CSMD3: variants seen among roughly 807,000 people sequenced by gnomAD.
The protein encoded by CSMD3 is CUB and Sushi multiple domains 3.
A neutral mutation model predicts 435.2 loss-of-function variants in CSMD3; 177 were observed. That is an observed-to-expected ratio of 0.41 (90% CI 0.36 to 0.46). CSMD3 has a LOEUF of 0.46. Ranked by LOEUF, CSMD3 falls within the 20% of genes least tolerant of loss-of-function variation. The probability of loss-of-function intolerance (pLI) is 0.34; values close to 1 mark genes in which losing one functional copy is unlikely to be tolerated. For missense variants in CSMD3, 4,265 were observed against 4,504.6 expected, an observed-to-expected ratio of 0.95 and a Z score of 1.52; for synonymous variants, 1,656 against 1,520.5, an observed-to-expected ratio of 1.09 and a Z score of -2.07.
chr8:112,661,186 C>T (rs1339706506), intron 17 of CSMD3, among the ~76,000 whole-genome samples: 7 of 151,832 alleles, frequency 4.6e-5, no homozygotes, highest in Non-Finnish European at 8.8e-5. Flanking sequence ...TGCTAAGTAA[C>T]GCTATAGAAA....
chr8:113,225,809 A>T (rs1486609944), intron 3 of CSMD3, among the ~76,000 whole-genome samples: 1 of 151,412 alleles, frequency 6.6e-6, no homozygotes, highest in Non-Finnish European at 1.5e-5. Flanking sequence ...TTAGTGTTTG[A>T]TATGGTCTGG....
At chr8:112,262,829 T>C (rs1318669326) in intron 61 of CSMD3, among the ~76,000 whole-genome samples, 1 of 152,022 alleles carries the variant, frequency 6.6e-6, no homozygotes, top group African/African-American at 2.4e-5. Context: ...CCTATGAGCA[T>C]GTAGGGGATT....
chr8:113,224,598 A>G (rs2093005505), intron 3 of CSMD3, among the ~76,000 whole-genome samples: 1 of 151,296 alleles, frequency 6.6e-6, no homozygotes. Flanking sequence ...AGAGGCAACT[A>G]AAATATGTTA....
intron 38 of CSMD3, among the ~76,000 whole-genome samples, chr8:112,365,548 T>G (rs1602703): frequency 0.39 from 58,099 of 147,700 alleles, 12,886 homozygotes; most frequent in Middle Eastern, 0.53. Context: ...TCTACTTTCA[T>G]GCACCAAGAA....
At chr8:112,615,005 G>A (rs199963900) in intron 22 of CSMD3, among the ~76,000 whole-genome samples, 2 of 150,586 alleles carry the variant, frequency 1.3e-5, no homozygotes, top group Non-Finnish European at 1.5e-5. Context: ...GACATAACAA[G>A]AAAAAAAAAC....
At chr8:112,905,345 T>C (rs1198831889) in intron 10 of CSMD3, among the ~76,000 whole-genome samples, 1 of 148,732 alleles carries the variant, frequency 6.7e-6, no homozygotes, top group Non-Finnish European at 1.5e-5. Flanking sequence ...CACACATATA[T>C]ATCAAAAGTC....
At chr8:112,387,798 C>A (rs1219264465) in intron 36 of CSMD3, among the ~76,000 whole-genome samples, 1 of 152,086 alleles carries the variant, frequency 6.6e-6, no homozygotes, top group Non-Finnish European at 1.5e-5. Flanking sequence ...CTGCAAACAT[C>A]TTAGTAGTTC....
intron 36 of CSMD3, among the ~76,000 whole-genome samples, chr8:112,384,318 C>G (rs184453488): frequency 5.8e-4 from 88 of 152,138 alleles, no homozygotes; most frequent in African/African-American, 2.0e-3. Flanking sequence ...ATAGTAACTA[C>G]GTCACAGTGA....
chr8:113,263,460 A>C (rs2093443353), intron 3 of CSMD3, among the ~76,000 whole-genome samples: 1 of 151,910 alleles, frequency 6.6e-6, no homozygotes, highest in Non-Finnish European at 1.5e-5. Context: ...TATCCTTCAA[A>C]ATGTATTATT....
intron 4 of CSMD3, among the ~76,000 whole-genome samples, chr8:113,161,975 A>AT (rs538508178): frequency 3.4e-4 from 52 of 151,320 alleles, no homozygotes; most frequent in Middle Eastern, 3.4e-3. Flanking sequence ...CTAGAAAGTG[A>AT]TTTTTTTTTC....
chr8:112,264,057 A>G (rs1168063497), intron 60 of CSMD3, among the ~76,000 whole-genome samples: 1 of 152,118 alleles, frequency 6.6e-6, no homozygotes, highest in African/African-American at 2.4e-5. Context: ...ACAAAATAGC[A>G]AGCTGCCTGA....
At chr8:112,825,773 G>C (rs985120494) in intron 12 of CSMD3, among the ~76,000 whole-genome samples, 1 of 152,076 alleles carries the variant, frequency 6.6e-6, no homozygotes, top group African/African-American at 2.4e-5. Flanking sequence ...TCCTGTATAG[G>C]GTGTCTGAGA....
intron 10 of CSMD3, among the ~76,000 whole-genome samples, chr8:112,878,494 G>A (rs1271954286): frequency 6.6e-6 from 1 of 152,122 alleles, no homozygotes; most frequent in South Asian, 2.1e-4. Flanking sequence ...CAACCATTGT[G>A]GAAGACAGTG....
In CSMD3 at chr8:112,255,430, G is replaced by T. The variant is rs766621764; in HGVS notation, c.9863-3C>A. 2 of 1,613,300 alleles carry T rather than the reference G, an allele frequency of 1.2e-6. 1 individual carries two copies. Among genetic ancestry groups the T allele is most frequent in the South Asian group, 2.2e-5 (2 of 91,062 alleles). On this transcript the variant is annotated splice_region_variant and splice_polypyrimidine_tract_variant and intron_variant, in intron 61 of 70. Coordinates refer to ENST00000297405, the MANE Select transcript of CSMD3 (RefSeq NM_198123.2). ...ACCAGGGTCACCACAAAACTTTGCT[G>T]GAAATGAAAAGAAAGACGCTTATAT...
chr8:112,683,807 T>C (rs2075954995), intron 15 of CSMD3, among the ~76,000 whole-genome samples: 1 of 151,896 alleles, frequency 6.6e-6, no homozygotes, highest in Non-Finnish European at 1.5e-5. Flanking sequence ...TTATAAATTG[T>C]ATAATTTTAC....
chr8:113,219,445 T>C (rs767288884), intron 3 of CSMD3, among the ~76,000 whole-genome samples: 2 of 151,090 alleles, frequency 1.3e-5, no homozygotes, highest in African/African-American at 4.8e-5. Context: ...GAAGAAGATA[T>C]AAACACTGAG....
At chr8:112,556,013 C>G (rs1489605823) in intron 25 of CSMD3, among the ~76,000 whole-genome samples, 1 of 151,954 alleles carries the variant, frequency 6.6e-6, no homozygotes, top group East Asian at 1.9e-4. Flanking sequence ...CATATATGTT[C>G]TCTGCTGGAG....
intron 32 of CSMD3, among the ~76,000 whole-genome samples, chr8:112,410,094 T>C (rs778859593): frequency 3.3e-5 from 5 of 151,926 alleles, no homozygotes; most frequent in Non-Finnish European, 7.4e-5. Context: ...GTGGTCCTTT[T>C]ACTAACAGGC....
chr8:113,196,163 A>C (rs1278606909), intron 3 of CSMD3, among the ~76,000 whole-genome samples: 1 of 151,132 alleles, frequency 6.6e-6, no homozygotes, highest in East Asian at 1.9e-4. Context: ...ATTTGTCTGC[A>C]AATGTTTTTT....
Sources: gnomAD v4.1 joint callset for allele counts (sites outside exome capture counted in the v4.1 genomes callset) on GRCh38, gnomAD v4.1.1 for gene constraint, MANE v1.5 for transcripts, NCBI Gene and HGNC (gene_info 2026-07-23, HGNC 2026-07-21) for gene names.